Variants in OR14A16 observed in about 807,000 individuals in gnomAD.
OR14A16 encodes the protein olfactory receptor 14A16.
For synonymous variants in OR14A16, 135 were observed against 137.6 expected (o/e 0.98, Z 0.13); for missense variants, 341 against 366.5 (o/e 0.93, Z 0.57).
At position 247,814,902 on chromosome 1, in the gene OR14A16, A is replaced by G; in HGVS notation, c.828T>C (p.Thr276=). ...ILDAVISVFY[T]MLPPTFNPII... is the part of the protein sequence containing the mutation. ...TGGGATTAAAGGTTGGGGGCAGCAT[A>G]GTGTAGAACACAGAAATTACAGCAT... The change falls in exon 3 of 3, where the codon ACT becomes ACC. Residue 276 remains threonine (T), a synonymous_variant. Transcript: ENST00000641093. 6.2e-7 allele frequency: 1 copy of G among 1,613,950 alleles called. No homozygotes were observed. The highest frequency in any genetic ancestry group is 8.5e-7 in the Non-Finnish European group (1 of 1,179,894).
At position 247,815,557 on chromosome 1, in the gene OR14A16, T is replaced by C; in HGVS notation, c.173A>G (p.Tyr58Cys). Residue 58 changes from tyrosine to cysteine, a missense_variant, in exon 3 of 3, where the codon TAT becomes TGT. Coordinates refer to ENST00000641093, the MANE Select transcript of OR14A16 (RefSeq NM_001001966.2). ...TLDHHLHTPV[Y>C]FFLKNLSFLD... ...GAAAGATAGATTCTTCAAGAAGAAATACACGGGGGTGTGGAGATGATGGTC... is the reference window on the plus strand; with the variant it reads ...GAAAGATAGATTCTTCAAGAAGAAACACACGGGGGTGTGGAGATGATGGTC... The C allele has an allele frequency of 6.2e-7, 1 of 1,614,102 alleles. No homozygotes were observed. Among genetic ancestry groups the C allele is most frequent in the South Asian group, 1.1e-5 (1 of 91,084 alleles).
intron 1 of OR14A16, among the ~76,000 whole-genome samples, chr1:247,821,061 G>T (rs11204517): frequency 0.85 from 129,889 of 152,256 alleles, 55,654 homozygotes; most frequent in East Asian, 1. Flanking sequence ...CAACATATTT[G>T]TGAAGTTTTC....
rs956106792 is a variant in OR14A16, at chr1:247,815,679, G to A, written c.51C>T (p.Thr17=). Reference sequence around the variant, plus strand: ...AATGCAAAATGCACATATTTTTATTGGTAGAAAACCCCATAAGGATAAATT... The same window carrying A: ...AATGCAAAATGCACATATTTTTATTAGTAGAAAACCCCATAAGGATAAATT... ...VTEFILMGFS[T]NKNMCILHSI... The change falls in exon 3 of 3, where the codon ACC becomes ACT. Residue 17 remains threonine, a synonymous_variant. Transcript: ENST00000641093. 1 of 1,610,024 alleles carries A rather than the reference G, an allele frequency of 6.2e-7. No homozygotes were observed.
intron 2 of OR14A16, among the ~76,000 whole-genome samples, chr1:247,818,705 G>A (rs1012844144): frequency 2.0e-5 from 3 of 152,182 alleles, no homozygotes; most frequent in African/African-American, 7.2e-5. Flanking sequence ...CCCAGAGACT[G>A]AGAGGGTAGT....
intron 2 of OR14A16, among the ~76,000 whole-genome samples, chr1:247,817,095 G>A (rs1334602976): frequency 1.3e-5 from 2 of 152,264 alleles, no homozygotes; most frequent in African/African-American, 4.8e-5. Context: ...GTGACATGTG[G>A]GGGCTTTCTA....
chr1:247,822,805 G>T, intron 1 of OR14A16, among the ~76,000 whole-genome samples: 1 of 152,136 alleles, frequency 6.6e-6, no homozygotes, highest in East Asian at 1.9e-4. Context: ...AGCTTATTGG[G>T]TATTCTAGGA....
Position 247,815,035 on chromosome 1 carries a change from T to G in OR14A16, c.695A>C (p.Gln232Pro). 1 of 1,613,610 alleles carries G rather than the reference T, an allele frequency of 6.2e-7. No individual in the cohort carries two copies. Among genetic ancestry groups the G allele is most frequent in the Non-Finnish European group, 8.5e-7 (1 of 1,179,540 alleles). The change falls in exon 3 of 3, where the codon CAG becomes CCG. Residue 232 changes from glutamine (Q) to proline (P), a missense_variant. Coordinates refer to ENST00000641093, the MANE Select transcript of OR14A16 (RefSeq NM_001001966.2). ...AAGGCAAATAGAGTAGGCTTTTGACTGGCCTTCTGTGGAAGGGATCTTCTT... is the reference window on the plus strand; with the variant it reads ...AAGGCAAATAGAGTAGGCTTTTGACGGGCCTTCTGTGGAAGGGATCTTCTT... ...TVKKIPSTEG[Q>P]SKAYSICLPH...
intron 1 of OR14A16, among the ~76,000 whole-genome samples, chr1:247,819,558 A>C (rs1572541087): frequency 6.6e-6 from 1 of 152,132 alleles, no homozygotes; most frequent in African/African-American, 2.4e-5. Context: ...TTTTTGTCTT[A>C]TTATCTATTT....
chr1:247,821,982 A>C (rs183948599), intron 1 of OR14A16, among the ~76,000 whole-genome samples: 109 of 152,250 alleles, frequency 7.2e-4, no homozygotes, highest in Non-Finnish European at 1.3e-3. Flanking sequence ...GGCTATTTTA[A>C]GGTGTTAACA....
intron 1 of OR14A16, among the ~76,000 whole-genome samples, chr1:247,823,228 G>A (rs1157767836): frequency 1.3e-5 from 2 of 152,182 alleles, no homozygotes; most frequent in East Asian, 3.9e-4. Flanking sequence ...AGTGGCTCAT[G>A]CCTGTAATCC....
In OR14A16 at chr1:247,818,566, A is replaced by C. The variant is rs562805367; in HGVS notation, c.-16+497T>G. Among the ~76,000 whole-genome samples, 3 of 152,314 alleles carry C rather than the reference A, an allele frequency of 2.0e-5. No homozygotes were observed. The South Asian group carries it at 6.2e-4, about 32-fold the overall frequency. On this transcript the variant is annotated intron_variant, in intron 2 of 2. Transcript: ENST00000641093. ...CTGTCATTTGCAACAACATGGATAG[A>C]ACTAGAGGGCATTATGTTAAGTAAA...
chr1:247,821,910 C>T (rs1311727931), intron 1 of OR14A16, among the ~76,000 whole-genome samples: 1 of 111,438 alleles, frequency 9.0e-6, no homozygotes, highest in Non-Finnish European at 2.2e-5. Flanking sequence ...TTTGTGTCTA[C>T]TATAGGTTTT....
chr1:247,820,477 C>T (rs1662711685), intron 1 of OR14A16, among the ~76,000 whole-genome samples: 1 of 151,904 alleles, frequency 6.6e-6, no homozygotes, highest in Admixed American at 6.6e-5. Context: ...TTTGTTATTT[C>T]CTTTCTCCTA....
At chr1:247,822,024 T>C (rs902826473) in intron 1 of OR14A16, among the ~76,000 whole-genome samples, 10 of 152,206 alleles carry the variant, frequency 6.6e-5, no homozygotes, top group Admixed American at 2.0e-4. Flanking sequence ...ATTTAAAAAC[T>C]CTATTACTCC....
At position 247,815,721 on chromosome 1, in the gene OR14A16, A is replaced by T. The variant is rs779896731; in HGVS notation, c.9T>A (p.Asn3Lys). The part of the protein sequence containing the change: MA[N>K]LTIVTEFILM... ...GGATAAATTCAGTCACGATTGTGAG[A>T]TTTGCCATTATTGCAGGAGTAATCT... Residue 3 changes from asparagine to lysine, a missense_variant, in exon 3 of 3, where the codon AAT becomes AAA. Physicochemically the swap from Asn to Lys is moderately conservative, Grantham distance 94. Coordinates refer to ENST00000641093, the MANE Select transcript of OR14A16 (RefSeq NM_001001966.2). The T allele has an allele frequency of 2.6e-5, 40 of 1,559,132 alleles. No homozygotes were observed. In the Middle Eastern group the frequency reaches 6.8e-4, roughly 26 times the overall value.
rs150735323 is a variant in OR14A16 at position 247,814,930 on chromosome 1, A to C, written c.800T>G (p.Leu267Trp). Reference protein sequence around the residue: ...LKPASESPSILDAVISVFYTM... With the variant: ...LKPASESPSIWDAVISVFYTM... ...GTAGAACACAGAAATTACAGCATCCAAAATAGAAGGAGACTCTGAAGCTGG... is the reference window on the plus strand; with the variant it reads ...GTAGAACACAGAAATTACAGCATCCCAAATAGAAGGAGACTCTGAAGCTGG... Residue 267 changes from leucine to tryptophan, a missense_variant, in exon 3 of 3, where the codon TTG (leucine) becomes TGG (tryptophan). By Grantham distance (61) the Leu-to-Trp change is moderately conservative (BLOSUM62 -2). Coordinates refer to ENST00000641093, the MANE Select transcript of OR14A16 (RefSeq NM_001001966.2). The C allele has an allele frequency of 5.1e-5, 83 of 1,613,844 alleles. No individual in the cohort carries two copies. Among genetic ancestry groups the C allele is most frequent in the Non-Finnish European group, 6.1e-5 (72 of 1,179,960 alleles).
intron 2 of OR14A16, among the ~76,000 whole-genome samples, chr1:247,818,330 G>T (rs921080109): frequency 6.6e-6 from 1 of 152,138 alleles, no homozygotes; most frequent in Admixed American, 6.5e-5. Flanking sequence ...CAGTATGGAG[G>T]TGCCTCCATA....
intron 2 of OR14A16, 44 bp downstream of exon 2, chr1:247,819,019 A>G (rs1448008980): frequency 6.6e-6 from 1 of 152,196 alleles, no homozygotes; most frequent in South Asian, 2.1e-4. Flanking sequence ...AAAAATTTTT[A>G]AAAATAAAAA....
Position 247,814,935 on chromosome 1 carries a change from A to G in OR14A16, c.795T>C (p.Ser265=). The G allele has an allele frequency of 6.2e-7, 1 of 1,614,008 alleles. No individual in the cohort carries two copies. Among genetic ancestry groups the G allele is most frequent in the Non-Finnish European group, 8.5e-7 (1 of 1,179,960 alleles). The change falls in exon 3 of 3, where the codon TCT becomes TCC. Residue 265 remains serine, a synonymous_variant. Coordinates refer to ENST00000641093, the MANE Select transcript of OR14A16 (RefSeq NM_001001966.2). ...ACACAGAAATTACAGCATCCAAAAT[A>G]GAAGGAGACTCTGAAGCTGGCTTCA... ...AYLKPASESP[S]ILDAVISVFY...
Sources: gnomAD v4.1 joint callset for allele counts (sites outside exome capture counted in the v4.1 genomes callset) on GRCh38, gnomAD v4.1.1 for gene constraint, MANE v1.5 for transcripts, NCBI Gene and HGNC (gene_info 2026-07-23, HGNC 2026-07-21) for gene names.